The following C1orf21 variants were observed in gnomAD, a reference collection of about 807,000 sequenced individuals.
C1orf21 encodes uncharacterized protein C1orf21.
A neutral mutation model predicts 18.7 loss-of-function variants in C1orf21; 3 were observed. The ratio of observed to expected loss-of-function variants is 0.16; its 90% CI spans 0.07 to 0.42. The LOEUF is 0.42. Ranked by LOEUF, C1orf21 falls within the 10% of genes least tolerant of loss-of-function variation. The pLI is 0.99. For missense variants in C1orf21, 104 were observed against 143.6 expected (o/e 0.72, Z 1.41); for synonymous variants, 41 against 46.4 (o/e 0.88, Z 0.47).
chr1:184,610,729 T>A (rs777952164), intron 5 of C1orf21, among the ~76,000 whole-genome samples: 3 of 151,562 alleles, frequency 2.0e-5, no homozygotes, highest in South Asian at 2.1e-4. Context: ...GCGCCTGTAG[T>A]CCCAGGTACT....
At chr1:184,549,121 G>T (rs1408889683) in intron 3 of C1orf21, among the ~76,000 whole-genome samples, 1 of 152,106 alleles carries the variant, frequency 6.6e-6, no homozygotes, top group Non-Finnish European at 1.5e-5. Context: ...GCACAAAAAA[G>T]CTAAAGAACT....
chr1:184,398,029 G>C (rs1656089610), intron 1 of C1orf21, among the ~76,000 whole-genome samples: 1 of 152,134 alleles, frequency 6.6e-6, no homozygotes, highest in Non-Finnish European at 1.5e-5. Flanking sequence ...TCCACTGAGA[G>C]GGTCAAGGAG....
In C1orf21 at chr1:184,421,091, C is replaced by T. The variant is rs141652655; in HGVS notation, c.-125+33723C>T. 4.4e-4 allele frequency among the ~76,000 whole-genome samples: 67 copies of T among 152,224 alleles called. 1 individual carries two copies. The East Asian group carries it at 0.013, about 29-fold the overall frequency. ...TTTTGGTGCATTTCTCTCTTCATTT[C>T]TCCCCGACCCAAGATTACACTTCTG... On this transcript the variant is annotated intron_variant, in intron 1 of 5. Transcript: ENST00000235307.
chr1:184,387,404 G>T lies in C1orf21; in HGVS notation c.-125+36G>T, dbSNP rs1043016549. The T allele has an allele frequency of 1.3e-5, 2 of 152,240 alleles. No individual in the cohort carries two copies. Among genetic ancestry groups the T allele is most frequent in the African/African-American group, 4.8e-5 (2 of 41,428 alleles). 9.4% of individuals were successfully genotyped at this position (152,240 alleles called of 1,614,324 possible). A position where few individuals can be genotyped will look rare whatever the true frequency, so the allele number is the denominator to read the frequency against. ...GCCATTGCCTGCTCTGGGGCGGGGG[G>T]AGCTGGCGGTGCAGCCCGCCCCGGC... On this transcript the variant is annotated intron_variant, in intron 1 of 5. Coordinates refer to ENST00000235307, the MANE Select transcript of C1orf21 (RefSeq NM_030806.4). This position sits in a 1 kb window ranked among gnomAD's most constrained non-coding sequence, Gnocchi z 5.6.
At chr1:184,485,602 A>G (rs1283340239) in intron 2 of C1orf21, among the ~76,000 whole-genome samples, 2 of 152,082 alleles carry the variant, frequency 1.3e-5, no homozygotes, top group African/African-American at 2.4e-5. Context: ...TCTATGCATT[A>G]AGTGAGCACT....
In C1orf21 at chr1:184,566,753, G is replaced by A; in HGVS notation, c.190-23986G>A. 8 of 396,054 alleles carry A rather than the reference G, an allele frequency of 2.0e-5. No individual in the cohort carries two copies. In the Admixed American group the frequency reaches 2.1e-4, roughly 10 times the overall value. The allele number at this position is 396,054 out of a possible 1,614,324, so 24.5% of individuals were successfully genotyped here. A position where few individuals can be genotyped will look rare whatever the true frequency, so the allele number is the denominator to read the frequency against. ...TGGGACTACCAGATGATTCCTGGCA[G>A]GAAAGGCTGGCTGGTGTTGTGATGC... On this transcript the variant is annotated intron_variant, in intron 3 of 5. Coordinates refer to ENST00000235307, the MANE Select transcript of C1orf21 (RefSeq NM_030806.4).
At chr1:184,535,866 A>G (rs1035736348) in intron 3 of C1orf21, among the ~76,000 whole-genome samples, 4 of 152,196 alleles carry the variant, frequency 2.6e-5, no homozygotes, top group African/African-American at 2.4e-5. Flanking sequence ...TGTTTCCTCC[A>G]TTAAAACCTT....
intron 1 of C1orf21, among the ~76,000 whole-genome samples, chr1:184,396,931 A>G (rs1656059836): frequency 6.6e-6 from 1 of 152,214 alleles, no homozygotes; most frequent in Non-Finnish European, 1.5e-5. Flanking sequence ...GGCCCAGCAC[A>G]TATTTGTTGA....
At chr1:184,485,206 G>T (rs541696394) in intron 2 of C1orf21, among the ~76,000 whole-genome samples, 1 of 152,092 alleles carries the variant, frequency 6.6e-6, no homozygotes, top group Non-Finnish European at 1.5e-5. Context: ...CATGAGAAAC[G>T]TGACTAGTCC....
At chr1:184,510,143 G>A (rs1466846236) in intron 3 of C1orf21, among the ~76,000 whole-genome samples, 2 of 152,216 alleles carry the variant, frequency 1.3e-5, no homozygotes, top group East Asian at 3.8e-4. Context: ...TACTTGGTGA[G>A]AGCTTTCTAA....
chr1:184,597,516 C>G (rs140410495), intron 4 of C1orf21, among the ~76,000 whole-genome samples: 3 of 152,254 alleles, frequency 2.0e-5, no homozygotes, highest in East Asian at 1.9e-4. Flanking sequence ...CCAGCCCCCT[C>G]CTTCAGACAG....
chr1:184,511,667 A>G (rs1012843283), intron 3 of C1orf21, among the ~76,000 whole-genome samples: 12 of 152,202 alleles, frequency 7.9e-5, no homozygotes, highest in African/African-American at 2.4e-4. Flanking sequence ...TCATGCTCCT[A>G]TAAAGACATA....
chr1:184,570,214 G>A (rs956038541), intron 3 of C1orf21, among the ~76,000 whole-genome samples: 1 of 151,956 alleles, frequency 6.6e-6, no homozygotes, highest in African/African-American at 2.4e-5. Context: ...AAAAGACATG[G>A]GATCCTAGAA....
intron 1 of C1orf21, among the ~76,000 whole-genome samples, chr1:184,452,480 G>A (rs1358140758): frequency 6.6e-6 from 1 of 152,184 alleles, no homozygotes; most frequent in African/African-American, 2.4e-5. Flanking sequence ...GATTGCACCA[G>A]AAGTGAGCTC....
chr1:184,412,813 C>G (rs1017419860), intron 1 of C1orf21, among the ~76,000 whole-genome samples: 7 of 151,960 alleles, frequency 4.6e-5, no homozygotes, highest in Non-Finnish European at 7.4e-5. Context: ...GCCTCAAAAA[C>G]AAAAACAAAA....
intron 1 of C1orf21, among the ~76,000 whole-genome samples, chr1:184,436,134 A>G (rs1448351166): frequency 1.3e-5 from 2 of 152,136 alleles, no homozygotes; most frequent in Non-Finnish European, 2.9e-5. Flanking sequence ...GGAAAATTGC[A>G]GAAGAGAAGT....
At position 184,529,025 on chromosome 1, in the gene C1orf21, A is replaced by G. The variant is rs529525974; in HGVS notation, c.189+21343A>G. On this transcript the variant is annotated intron_variant, in intron 3 of 5. Coordinates refer to ENST00000235307, the MANE Select transcript of C1orf21 (RefSeq NM_030806.4). ...CACCAGCAGTATATGGAGATTGCCAATTTCAACACTGAGATAAGAGGCAGA... is the reference window on the plus strand; with the variant it reads ...CACCAGCAGTATATGGAGATTGCCAGTTTCAACACTGAGATAAGAGGCAGA... Among the ~76,000 whole-genome samples the G allele has an allele frequency of 1.4e-4, 21 of 152,272 alleles. No individual in the cohort carries two copies. The South Asian group carries it at 4.1e-3, about 30-fold the overall frequency.
Position 184,624,184 on chromosome 1 carries a change from A to G in C1orf21, c.*4628A>G, listed in dbSNP as rs369785973. The G allele has an allele frequency of 1.3e-5, 2 of 152,578 alleles. No homozygotes were observed. Among genetic ancestry groups the G allele is most frequent in the East Asian group, 3.9e-4 (2 of 5,190 alleles). The allele number at this position is 152,578 out of a possible 1,614,324, so 9.5% of individuals were successfully genotyped here. On this transcript the variant is annotated 3_prime_UTR_variant, in exon 6 of 6. Transcript: ENST00000235307. ...ACTATGCCCTTCGCAACACTGTGAA[A>G]ACAACCCCTGGGGGCATCTGCCTTC... is the stretch of plus-strand genomic sequence containing the variant.
At chr1:184,421,219 T>C (rs1656543372) in intron 1 of C1orf21, among the ~76,000 whole-genome samples, 3 of 152,176 alleles carry the variant, frequency 2.0e-5, no homozygotes, top group South Asian at 4.1e-4. Context: ...CTCCAACTCC[T>C]GAGCTCAAGG....
Sources: gnomAD v4.1 joint callset for allele counts (sites outside exome capture counted in the v4.1 genomes callset) on GRCh38, gnomAD v4.1.1 for gene constraint, Gnocchi (gnomAD v3.1) non-coding constraint, MANE v1.5 for transcripts, NCBI Gene and HGNC (gene_info 2026-07-23, HGNC 2026-07-21) for gene names.